The following RNF141 variants were observed in gnomAD, a reference collection of about 807,000 sequenced individuals.
The protein encoded by RNF141 is ring finger protein 141.
Under a neutral mutation model 27.4 loss-of-function variants are expected in RNF141, and 18 were observed. That is an observed-to-expected ratio of 0.66 (90% confidence interval 0.45 to 0.97). RNF141 has a LOEUF of 0.97. Among genes scored for constraint, RNF141 ranks in the 50% least tolerant of loss-of-function variants. The probability of loss-of-function intolerance (pLI) is 0.00; values close to 1 mark genes in which losing one functional copy is unlikely to be tolerated. For synonymous variants in RNF141, 97 were observed against 96.6 expected, an observed-to-expected ratio of 1.00 and a Z score of -0.02; for missense variants, 230 against 279.4, an observed-to-expected ratio of 0.82 and a Z score of 1.26.
At chr11:10,533,751 GTA>G (rs1388672470) in intron 2 of RNF141, among the ~76,000 whole-genome samples, 1 of 152,032 alleles carries the variant, frequency 6.6e-6, no homozygotes, top group African/African-American at 2.4e-5. Context: ...ATGTACTACT[GTA>G]TCCTAGAATT....
chr11:10,521,408 C>G (rs1220869201), intron 4 of RNF141, among the ~76,000 whole-genome samples: 1 of 152,092 alleles, frequency 6.6e-6, no homozygotes, highest in Non-Finnish European at 1.5e-5. Flanking sequence ...AACCTTTGTG[C>G]TTTTTTGTAA....
intron 5 of RNF141, chr11:10,515,746 C>A (rs1447887019): frequency 6.6e-6 from 1 of 152,136 alleles, no homozygotes; most frequent in Non-Finnish European, 1.5e-5. Flanking sequence ...ACATGACTTT[C>A]AACAATATAT....
chr11:10,532,053 A>C (rs1487951812), intron 2 of RNF141: 1 of 442,268 alleles, frequency 2.3e-6, no homozygotes, highest in Non-Finnish European at 4.5e-6. Context: ...ATCACACAGT[A>C]AGCTTAGTTT....
intron 3 of RNF141, among the ~76,000 whole-genome samples, chr11:10,529,077 C>G (rs75767167): frequency 0.019 from 2,845 of 152,284 alleles, 84 homozygotes; most frequent in African/African-American, 0.063. Context: ...GGCTGATTAT[C>G]CAAATACCAT....
intron 1 of RNF141, among the ~76,000 whole-genome samples, chr11:10,539,855 C>A (rs1223867843): frequency 6.6e-6 from 1 of 150,820 alleles, no homozygotes; most frequent in Non-Finnish European, 1.5e-5. Context: ...ACCTCCCTTG[C>A]CTTTTTGGGA....
At position 10,513,701 on chromosome 11, in the gene RNF141, T is replaced by G. The variant is rs1849820985; in HGVS notation, c.*1215A>C. On this transcript the variant is annotated 3_prime_UTR_variant, in exon 6 of 6. Coordinates refer to ENST00000265981, the MANE Select transcript of RNF141 (RefSeq NM_016422.4). ...TATTTTCTTGTGTTTTTTTTTTGAT[T>G]AGGAGTCTCGTTCTGTCTCCCAGGC... 1 of 151,810 alleles carries G rather than the reference T, an allele frequency of 6.6e-6. No homozygotes were observed. Among genetic ancestry groups the G allele is most frequent in the South Asian group, 2.1e-4 (1 of 4,812 alleles). The allele number at this position is 151,810 out of a possible 1,614,324, so 9.4% of individuals were successfully genotyped here. A position where few individuals can be genotyped will look rare whatever the true frequency, so the allele number is the denominator to read the frequency against.
At position 10,515,071 on chromosome 11, in the gene RNF141, T is replaced by C. The variant is rs776551148; in HGVS notation, c.543-5A>G. On this transcript the variant is annotated splice_region_variant and splice_polypyrimidine_tract_variant and intron_variant, in intron 5 of 5. Transcript: ENST00000265981. ...CAATTCCTGTGTCGATCACTCCTAT[T>C]AGAGAAGTCAAAACAAAACAGTTTG... 8.7e-6 allele frequency: 14 copies of C among 1,603,904 alleles called. No homozygotes were observed. In the Admixed American group the frequency reaches 1.2e-4, roughly 14 times the overall value.
At position 10,530,630 on chromosome 11, in the gene RNF141, C is replaced by T. The variant is rs1474183834; in HGVS notation, c.252+13G>A. 2.0e-6 allele frequency: 3 copies of T among 1,487,700 alleles called. No homozygotes were observed. Among genetic ancestry groups the T allele is most frequent in the Middle Eastern group, 1.7e-4 (1 of 5,780 alleles). The allele number at this position is 1,487,700 out of a possible 1,614,324, so 92.2% of individuals were successfully genotyped here. On this transcript the variant is annotated intron_variant, in intron 3 of 5. Coordinates refer to ENST00000265981, the MANE Select transcript of RNF141 (RefSeq NM_016422.4). ...AGCTTAAGCTCAGAGGTAGAAGTCT[C>T]CATCAGTCTCACCTTGGTACAGACC... is the stretch of plus-strand genomic sequence containing the variant.
chr11:10,519,541 T>C (rs1269763128), intron 4 of RNF141, among the ~76,000 whole-genome samples: 1 of 152,196 alleles, frequency 6.6e-6, no homozygotes, highest in African/African-American at 2.4e-5. Context: ...GGTGATTTCA[T>C]TGCTGTGTAA....
At chr11:10,523,657 C>T (rs1189270896) in intron 4 of RNF141, among the ~76,000 whole-genome samples, 1 of 152,196 alleles carries the variant, frequency 6.6e-6, no homozygotes, top group Non-Finnish European at 1.5e-5. Flanking sequence ...GCACCCCTAA[C>T]AAGCTAATCA....
At chr11:10,517,231 T>TA (rs529194475) in intron 5 of RNF141, 3 of 151,902 alleles carry the variant, frequency 2.0e-5, no homozygotes, top group South Asian at 2.1e-4. Context: ...TATCTGAGGT[T>TA]AAAAAAATAC....
rs10524171 is a variant in RNF141, at chr11:10,539,701, A to ATATATATAT, written c.-48+1420_-48+1421insATATATATA. Among the ~76,000 whole-genome samples, 43 of 31,456 alleles carry ATATATATAT rather than the reference A, an allele frequency of 1.4e-3. 8 individuals are homozygous for ATATATATAT. The highest frequency in any genetic ancestry group is 5.4e-3 in the East Asian group (6 of 1,114). The allele number at this position is 31,456 out of a possible 152,430, so 20.6% of individuals were successfully genotyped here. A position where few individuals can be genotyped will look rare whatever the true frequency, so the allele number is the denominator to read the frequency against. Reference sequence around the variant, plus strand: ...AGAAAAAGATACATACATATATATTAGAGAGAGAAGGAGAGAGAAACTACA... The same window carrying ATATATATAT: ...AGAAAAAGATACATACATATATATTATATATATATGAGAGAGAAGGAGAGAGAAACTACA... On this transcript the variant is annotated intron_variant, in intron 1 of 5. Coordinates refer to ENST00000265981, the MANE Select transcript of RNF141 (RefSeq NM_016422.4).
intron 4 of RNF141, among the ~76,000 whole-genome samples, chr11:10,521,092 A>G (rs1849884217): frequency 6.6e-6 from 1 of 152,224 alleles, no homozygotes; most frequent in African/African-American, 2.4e-5. Flanking sequence ...TCTTGGGAAG[A>G]AAAAAGATTT....
chr11:10,518,300 A>G (rs2133965659), intron 5 of RNF141: 1 of 152,338 alleles, frequency 6.6e-6, no homozygotes, highest in South Asian at 2.1e-4. Context: ...CCATGAATGT[A>G]TCTAGTACCT....
chr11:10,534,292 G>A (rs2133975533), intron 1 of RNF141, 87 bp from the exon 2 acceptor site: 2 of 927,712 alleles, frequency 2.2e-6, no homozygotes, highest in Non-Finnish European at 1.6e-6. Flanking sequence ...AAAAACTAGG[G>A]ATACCTTTAA....
Position 10,514,810 on chromosome 11 carries a change from G to A in RNF141, c.*106C>T. 1 of 1,062,770 alleles carries A rather than the reference G, an allele frequency of 9.4e-7. No individual in the cohort carries two copies. The allele number at this position is 1,062,770 out of a possible 1,614,324, so 65.8% of individuals were successfully genotyped here. On this transcript the variant is annotated 3_prime_UTR_variant, in exon 6 of 6. Coordinates refer to ENST00000265981, the MANE Select transcript of RNF141 (RefSeq NM_016422.4). ...CAGAATAGCAAAAATAAAAGAGTGG[G>A]GAAAATGGATTTTCCTGTGTCTGTG...
Position 10,534,054 on chromosome 11 carries a change from A to G in RNF141, c.105T>C (p.Tyr35=), listed in dbSNP as rs768139312. Reference sequence around the variant, plus strand: ...CAGCTACTCTCCCAAGAAATTCTTCATAAGTTAAGGAGCCACTCTCTCGAA... The same window carrying G: ...CAGCTACTCTCCCAAGAAATTCTTCGTAAGTTAAGGAGCCACTCTCTCGAA... The part of the protein sequence containing the change: ...TLVRESGSLT[Y]EEFLGRVAEL... The change falls in exon 2 of 6, where the codon TAT becomes TAC. Residue 35 remains tyrosine, a synonymous_variant. Transcript: ENST00000265981. 35 of 1,613,472 alleles carry G rather than the reference A, an allele frequency of 2.2e-5. No homozygotes were observed. The highest frequency in any genetic ancestry group is 1.6e-4 in the Middle Eastern group (1 of 6,082).
intron 1 of RNF141, among the ~76,000 whole-genome samples, chr11:10,539,972 T>C (rs953012629): frequency 4.0e-5 from 6 of 151,884 alleles, no homozygotes; most frequent in African/African-American, 1.5e-4. Flanking sequence ...TTGAAACATA[T>C]AGTCATATTC....
intron 3 of RNF141, among the ~76,000 whole-genome samples, chr11:10,529,512 AAAG>A (rs1375385434): frequency 6.6e-6 from 1 of 152,234 alleles, no homozygotes; most frequent in African/African-American, 2.4e-5. Context: ...ATGCAGAGCA[AAAG>A]AAGGTCATTG....
Sources: allele counts gnomAD v4.1 joint callset (sites outside exome capture counted in the v4.1 genomes callset), GRCh38; gene constraint gnomAD v4.1.1; transcripts MANE v1.5; gene names NCBI Gene and HGNC (gene_info 2026-07-23, HGNC 2026-07-21).